The following DGKB variants were observed in gnomAD, a reference collection of about 807,000 sequenced individuals.
The protein encoded by DGKB is 90 kDa diacylglycerol kinase.
Under a neutral mutation model 114.3 loss-of-function variants are expected in DGKB, and 67 were observed. The observed-to-expected ratio is 0.59, with a 90% CI of 0.48 to 0.72. The LOEUF (loss-of-function observed/expected upper bound fraction) is 0.72, where lower values mean the gene tolerates loss of function less well. Among genes scored for constraint, DGKB ranks in the 30% least tolerant of loss-of-function variants. The pLI is 0.00. For missense variants in DGKB, 907 were observed against 975.2 expected, an observed-to-expected ratio of 0.93 and a Z score of 0.93; for synonymous variants, 398 against 323.1, an observed-to-expected ratio of 1.23 and a Z score of -2.49.
chr7:14,437,302 A>G (rs1213408196), intron 21 of DGKB, among the ~76,000 whole-genome samples: 1 of 152,056 alleles, frequency 6.6e-6, no homozygotes, highest in African/African-American at 2.4e-5. Flanking sequence ...ATAGAGAACA[A>G]CTTTTTCTTT....
At chr7:14,180,096 G>A (rs191852355) in intron 23 of DGKB, among the ~76,000 whole-genome samples, 2 of 152,268 alleles carry the variant, frequency 1.3e-5, no homozygotes, top group African/African-American at 4.8e-5. Flanking sequence ...ATGTGTGCCT[G>A]CTGATATTTA....
intron 20 of DGKB, among the ~76,000 whole-genome samples, chr7:14,485,096 CCA>C (rs10563734): frequency 0.085 from 11,973 of 141,392 alleles, 683 homozygotes; most frequent in African/African-American, 0.17. Flanking sequence ...CACACACACA[CCA>C]CACACACACA....
chr7:14,400,705 G>GA (rs34821430), intron 21 of DGKB, among the ~76,000 whole-genome samples: 166 of 148,152 alleles, frequency 1.1e-3, no homozygotes, highest in African/African-American at 3.4e-3. Flanking sequence ...AGGCTAAAAT[G>GA]AAAAAAAAAA....
In DGKB at chr7:14,736,162, C is replaced by T. The variant is rs1180944970; in HGVS notation, c.201G>A (p.Met67Ile). 6.2e-7 allele frequency: 1 copy of T among 1,602,810 alleles called. No individual in the cohort carries two copies. Residue 67 changes from methionine to isoleucine, a missense_variant, in exon 5 of 26, where the codon ATG becomes ATA. Around this residue, in one of 3 missense-constraint regions of DGKB, gnomAD observed 814 missense variants for 856.6 expected, o/e 0.95. Coordinates refer to ENST00000402815, the MANE Select transcript of DGKB (RefSeq NM_001350709.2). ...TIDFEGFKLFMKTFLEAELPD... is the reference protein window; with the variant it reads ...TIDFEGFKLFIKTFLEAELPD... Reference sequence around the variant, plus strand: ...GAAGCTCGGCTTCCAGGAATGTCTTCATGAATAGTTTGAAACCTTCAAAAT... The same window carrying T: ...GAAGCTCGGCTTCCAGGAATGTCTTTATGAATAGTTTGAAACCTTCAAAAT...
intron 21 of DGKB, among the ~76,000 whole-genome samples, chr7:14,389,622 C>G (rs2128704190): frequency 6.6e-6 from 1 of 152,306 alleles, no homozygotes; most frequent in Admixed American, 6.5e-5. Context: ...AAAAATAAAT[C>G]ACCTCTAATT....
chr7:14,966,760 CT>C (rs1441609377), intron 1 of DGKB, among the ~76,000 whole-genome samples: 9 of 151,944 alleles, frequency 5.9e-5, no homozygotes, highest in African/African-American at 1.9e-4. Context: ...ATTTTCTTTC[CT>C]TTTTTTGTCA....
intron 1 of DGKB, among the ~76,000 whole-genome samples, chr7:14,879,526 G>T (rs1194238066): frequency 6.6e-6 from 1 of 152,102 alleles, no homozygotes; most frequent in African/African-American, 2.4e-5. Context: ...GTCTTTAAAA[G>T]GTACTAACCT....
At chr7:14,169,233 C>T (rs541079075) in intron 25 of DGKB, among the ~76,000 whole-genome samples, 16 of 150,958 alleles carry the variant, frequency 1.1e-4, no homozygotes, top group South Asian at 2.1e-4. Flanking sequence ...GGTGTGGTGG[C>T]GGGCGCCTGT....
At position 14,670,390 on chromosome 7, in the gene DGKB, C is replaced by T. The variant is rs1818771801; in HGVS notation, c.1134+2539G>A. ...CAATCTTGGCTCACTGCAACCTCCG[C>T]CTCCAGGGTTCAAGCGATTCCCCTG... On this transcript the variant is annotated intron_variant, in intron 13 of 25. Coordinates refer to ENST00000402815, the MANE Select transcript of DGKB (RefSeq NM_001350709.2). Among the ~76,000 whole-genome samples the T allele has an allele frequency of 3.3e-5, 5 of 151,954 alleles. 2 individuals carry two copies. The South Asian group carries it at 1.0e-3, about 32-fold the overall frequency.
chr7:14,330,471 C>T (rs73679707), intron 23 of DGKB, among the ~76,000 whole-genome samples: 4,510 of 151,882 alleles, frequency 0.03, 216 homozygotes, highest in African/African-American at 0.1. Context: ...TAGAAAATAC[C>T]ACTTTTCTGT....
chr7:14,266,597 A>G (rs1797553754), intron 23 of DGKB, among the ~76,000 whole-genome samples: 1 of 152,168 alleles, frequency 6.6e-6, no homozygotes, highest in Non-Finnish European at 1.5e-5. Flanking sequence ...TTGACCTTTT[A>G]AGTATTTCTA....
At chr7:14,813,104 T>C (rs1204566321) in intron 2 of DGKB, among the ~76,000 whole-genome samples, 1 of 152,212 alleles carries the variant, frequency 6.6e-6, no homozygotes, top group Non-Finnish European at 1.5e-5. Context: ...AATGCCATAT[T>C]TGGAATGTTC....
intron 23 of DGKB, among the ~76,000 whole-genome samples, chr7:14,249,721 C>G (rs1021352623): frequency 1.3e-5 from 2 of 152,010 alleles, no homozygotes; most frequent in African/African-American, 4.8e-5. Flanking sequence ...TGGATCTTCT[C>G]TTTTTTATCC....
chr7:14,406,415 A>G (rs187244696), intron 21 of DGKB, among the ~76,000 whole-genome samples: 1 of 152,122 alleles, frequency 6.6e-6, no homozygotes, highest in African/African-American at 2.4e-5. Context: ...GTCATATTTT[A>G]GGTATATAAA....
chr7:14,194,511 T>C (rs1784748215), intron 23 of DGKB, among the ~76,000 whole-genome samples: 2 of 152,102 alleles, frequency 1.3e-5, no homozygotes, highest in Admixed American at 1.3e-4. Context: ...AATTTTTAAA[T>C]ATAACAAGAA....
At chr7:14,175,384 C>G (rs1205920881) in intron 25 of DGKB, among the ~76,000 whole-genome samples, 1 of 152,206 alleles carries the variant, frequency 6.6e-6, no homozygotes, top group Non-Finnish European at 1.5e-5. Context: ...GTAAATCACA[C>G]TATCATTCTT....
intron 21 of DGKB, among the ~76,000 whole-genome samples, chr7:14,398,611 T>C (rs1266744976): frequency 6.6e-6 from 1 of 151,972 alleles, no homozygotes; most frequent in Non-Finnish European, 1.5e-5. Flanking sequence ...GAGCAAATCA[T>C]CTACAGAAGT....
chr7:14,412,808 C>T (rs1825107206), intron 21 of DGKB, among the ~76,000 whole-genome samples: 5 of 151,898 alleles, frequency 3.3e-5, no homozygotes, highest in Admixed American at 3.3e-4. Context: ...ACAGCAAAAC[C>T]CCATCTCTAC....
intron 1 of DGKB, among the ~76,000 whole-genome samples, chr7:14,969,943 A>T (rs987832757): frequency 6.6e-6 from 1 of 152,196 alleles, no homozygotes; most frequent in Non-Finnish European, 1.5e-5. Context: ...AGTCTAAGAC[A>T]TTGCTAGACT....
Sources: allele counts gnomAD v4.1 joint callset (sites outside exome capture counted in the v4.1 genomes callset), GRCh38; gene constraint gnomAD v4.1.1; regional missense constraint gnomAD v4.1.1; transcripts MANE v1.5; gene names NCBI Gene and HGNC (gene_info 2026-07-23, HGNC 2026-07-21).